The following CAMSAP1 variants were observed in gnomAD, a reference collection of about 807,000 sequenced individuals.
CAMSAP1 encodes calmodulin regulated spectrin associated protein 1.
In CAMSAP1, 58 loss-of-function variants were observed where a neutral mutation model predicts 143.5. The ratio of observed to expected loss-of-function variants is 0.40; its 90% CI spans 0.33 to 0.50. The LOEUF (loss-of-function observed/expected upper bound fraction) is 0.50, where lower values mean the gene tolerates loss of function less well. Ranked by LOEUF, CAMSAP1 falls within the 20% of genes least tolerant of loss-of-function variation. The pLI is 0.45. For synonymous variants in CAMSAP1, 945 were observed against 859.3 expected, an observed-to-expected ratio of 1.10 and a Z score of -1.74; for missense variants, 1,969 against 2,115.7, an observed-to-expected ratio of 0.93 and a Z score of 1.36.
At chr9:135,859,331 A>G (rs901288554) in intron 5 of CAMSAP1, among the ~76,000 whole-genome samples, 3 of 152,198 alleles carry the variant, frequency 2.0e-5, no homozygotes, top group Non-Finnish European at 4.4e-5. Context: ...TGCTTTATCA[A>G]TCAGTTTCTG....
chr9:135,849,630 T>C (rs1836701816), intron 7 of CAMSAP1, among the ~76,000 whole-genome samples: 1 of 152,192 alleles, frequency 6.6e-6, no homozygotes, highest in Admixed American at 6.5e-5. Context: ...TCTATAGTTA[T>C]TAATAGTTGG....
At chr9:135,842,994 T>C (rs1213140866) in intron 7 of CAMSAP1, among the ~76,000 whole-genome samples, 1 of 152,158 alleles carries the variant, frequency 6.6e-6, no homozygotes, top group Non-Finnish European at 1.5e-5. Flanking sequence ...CATAACAATA[T>C]TAACCTTAAA....
chr9:135,847,758 G>T (rs1836608218), intron 7 of CAMSAP1, among the ~76,000 whole-genome samples: 1 of 134,298 alleles, frequency 7.4e-6, no homozygotes, highest in Non-Finnish European at 1.6e-5. Flanking sequence ...TAGAGGATGG[G>T]TTGATGGGTG....
chr9:135,890,200 C>T (rs1838246949), intron 1 of CAMSAP1, among the ~76,000 whole-genome samples: 1 of 152,038 alleles, frequency 6.6e-6, no homozygotes, highest in African/African-American at 2.4e-5. Context: ...GTACAACTCA[C>T]ACCTGTGGAA....
chr9:135,897,062 G>A (rs1838477474), intron 1 of CAMSAP1, among the ~76,000 whole-genome samples: 2 of 152,078 alleles, frequency 1.3e-5, no homozygotes. Context: ...AAGTACAGCA[G>A]TCCCCTCTTA....
intron 3 of CAMSAP1, among the ~76,000 whole-genome samples, chr9:135,872,311 G>T (rs776977595): frequency 2.6e-4 from 40 of 152,194 alleles, no homozygotes; most frequent in Non-Finnish European, 2.1e-4. Flanking sequence ...AGGAAAAGAT[G>T]CATCTTCTGC....
intron 7 of CAMSAP1, among the ~76,000 whole-genome samples, chr9:135,829,258 T>C (rs1285167336): frequency 6.6e-6 from 1 of 151,890 alleles, no homozygotes; most frequent in African/African-American, 2.4e-5. Flanking sequence ...TCCCAACATT[T>C]TGGAAGGCTG....
intron 3 of CAMSAP1, among the ~76,000 whole-genome samples, chr9:135,871,281 C>T (rs982129088): frequency 1.3e-5 from 2 of 152,158 alleles, no homozygotes; most frequent in South Asian, 2.1e-4. Context: ...CTCAATCTCC[C>T]AGGCTCAAGC....
At chr9:135,888,915 C>G (rs1169286838) in intron 1 of CAMSAP1, among the ~76,000 whole-genome samples, 1 of 152,262 alleles carries the variant, frequency 6.6e-6, no homozygotes, top group Non-Finnish European at 1.5e-5. Context: ...GGTGCACAGA[C>G]AAGCACACAC....
At chr9:135,851,923 G>A (rs1242636234) in intron 5 of CAMSAP1, among the ~76,000 whole-genome samples, 1 of 152,178 alleles carries the variant, frequency 6.6e-6, no homozygotes, top group Non-Finnish European at 1.5e-5. Context: ...AGCTAGGCAC[G>A]CCCTCCTGTG....
At chr9:135,815,649 G>A (rs1835204643) in intron 15 of CAMSAP1, among the ~76,000 whole-genome samples, 1 of 152,236 alleles carries the variant, frequency 6.6e-6, no homozygotes, top group East Asian at 1.9e-4. Context: ...CAGGTCCGCT[G>A]CCCCCTGCAC....
In CAMSAP1 at chr9:135,853,552, G is replaced by A. The variant is rs1836851473; in HGVS notation, c.809-3091C>T. On this transcript the variant is annotated intron_variant, in intron 5 of 16. Coordinates refer to ENST00000389532, the MANE Select transcript of CAMSAP1 (RefSeq NM_015447.4). ...GAAATCACAAGTTTTAATACTGACT[G>A]GGGATCTAAGTACACTTGTTTCAGT... 2.0e-5 allele frequency among the ~76,000 whole-genome samples: 3 copies of A among 152,346 alleles called. No individual in the cohort carries two copies. The South Asian group carries it at 6.2e-4, about 32-fold the overall frequency.
At chr9:135,855,052 C>T (rs936255599) in intron 5 of CAMSAP1, among the ~76,000 whole-genome samples, 3 of 151,898 alleles carry the variant, frequency 2.0e-5, no homozygotes, top group Admixed American at 6.5e-5. Context: ...AGTGCAGTGG[C>T]GTGATCTCAG....
In CAMSAP1 at chr9:135,821,062, A is replaced by T; in HGVS notation, c.3599T>A (p.Val1200Asp). The T allele has an allele frequency of 1.9e-6, 3 of 1,613,984 alleles. No homozygotes were observed. Among genetic ancestry groups the T allele is most frequent in the Non-Finnish European group, 2.5e-6 (3 of 1,179,882 alleles). Residue 1200 changes from valine to aspartate, a missense_variant, in exon 11 of 17, where the codon GTT becomes GAT. By Grantham distance (152) the Val-to-Asp change is radical (BLOSUM62 -3). Transcript: ENST00000389532. This position sits in a 1 kb window ranked among gnomAD's most constrained non-coding sequence, Gnocchi z 4.6. Reference protein sequence around the residue: ...ILSEQMSLKEVLDASVKEVGS... With the variant: ...ILSEQMSLKEDLDASVKEVGS... ...CACCTCCTTCACACTCGCATCCAGA[A>T]CTTCTTTGAGGCTCATCTGCTCCGA...
chr9:135,862,255 T>C (rs951301532), intron 5 of CAMSAP1, among the ~76,000 whole-genome samples: 1 of 149,992 alleles, frequency 6.7e-6, no homozygotes, highest in Non-Finnish European at 1.5e-5. Context: ...CCCAGCTAAT[T>C]TCAAAGTGCA....
intron 8 of CAMSAP1, among the ~76,000 whole-genome samples, chr9:135,825,383 G>A (rs935518229): frequency 2.6e-5 from 4 of 152,188 alleles, no homozygotes; most frequent in African/African-American, 9.7e-5. Context: ...CACACTGCTG[G>A]TGGGAGGGTA....
At chr9:135,871,071 C>T (rs1202422673) in intron 3 of CAMSAP1, among the ~76,000 whole-genome samples, 6 of 152,140 alleles carry the variant, frequency 3.9e-5, no homozygotes, top group Non-Finnish European at 8.8e-5. Flanking sequence ...TCATGAACTT[C>T]AATAACAACA....
In CAMSAP1 at chr9:135,808,668, C is replaced by T. The variant is rs116830426; in HGVS notation, c.*2641G>A. On this transcript the variant is annotated 3_prime_UTR_variant, in exon 17 of 17. Coordinates refer to ENST00000389532, the MANE Select transcript of CAMSAP1 (RefSeq NM_015447.4). The stretch of plus-strand genomic sequence containing the variant: ...GCTAAGAGACTGCACCGCAGTGACA[C>T]GTGCAGAAAGTCAAAAGGACACATG... The T allele has an allele frequency of 4.6e-5, 7 of 152,340 alleles. No individual in the cohort carries two copies. Among genetic ancestry groups the T allele is most frequent in the East Asian group, 3.9e-4 (2 of 5,192 alleles). 9.4% of individuals were successfully genotyped at this position (152,340 alleles called of 1,614,324 possible).
intron 3 of CAMSAP1, among the ~76,000 whole-genome samples, chr9:135,878,784 G>A (rs916400506): frequency 1.3e-5 from 2 of 152,128 alleles, no homozygotes; most frequent in South Asian, 2.1e-4. Flanking sequence ...AGCCGGTATC[G>A]CATCCTGCAG....
Sources: gnomAD v4.1 joint callset for allele counts (sites outside exome capture counted in the v4.1 genomes callset) on GRCh38, gnomAD v4.1.1 for gene constraint, Gnocchi (gnomAD v3.1) non-coding constraint, MANE v1.5 for transcripts, NCBI Gene and HGNC (gene_info 2026-07-23, HGNC 2026-07-21) for gene names.